The following PRKAG2 variants were observed in gnomAD, a reference collection of about 807,000 sequenced individuals.
PRKAG2 encodes protein kinase AMP-activated non-catalytic subunit gamma 2.
Under a neutral mutation model 69.6 loss-of-function variants are expected in PRKAG2, and 26 were observed. The ratio of observed to expected loss-of-function variants is 0.37; its 90% CI spans 0.27 to 0.52. The LOEUF is 0.52. Ranked by LOEUF, PRKAG2 falls within the 20% of genes least tolerant of loss-of-function variation. PRKAG2 has a pLI of 0.90. For synonymous variants in PRKAG2, 293 were observed against 285.0 expected, an observed-to-expected ratio of 1.03 and a Z score of -0.28; for missense variants, 557 against 740.0, an observed-to-expected ratio of 0.75 and a Z score of 2.87.
chr7:151,874,898 A>T (rs939323906), intron 1 of PRKAG2, among the ~76,000 whole-genome samples: 1 of 152,188 alleles, frequency 6.6e-6, no homozygotes, highest in African/African-American at 2.4e-5. Flanking sequence ...CAAAACAAAA[A>T]AAACAATAAA....
chr7:151,732,089 A>G (rs1563547152), intron 3 of PRKAG2, among the ~76,000 whole-genome samples: 1 of 148,152 alleles, frequency 6.7e-6, no homozygotes, highest in Non-Finnish European at 1.5e-5. Flanking sequence ...ACCTGCCTCA[A>G]CCTACCAAAG....
rs953660997 is a variant in PRKAG2 at position 151,575,800 on chromosome 7, G to C, written c.946+571C>G. On this transcript the variant is annotated intron_variant, in intron 7 of 15. Coordinates refer to ENST00000287878, the MANE Select transcript of PRKAG2 (RefSeq NM_016203.4). ...GGTAAAGACACATAAGCTCTTCAGA[G>C]AGCCAAAAAGTTGCTAAATTAAAAG... Among the ~76,000 whole-genome samples, 6 of 146,188 alleles carry C rather than the reference G, an allele frequency of 4.1e-5. No homozygotes were observed. In the South Asian group the frequency reaches 6.5e-4, roughly 16 times the overall value.
intron 11 of PRKAG2, 123 bp from the exon 12 acceptor site, chr7:151,566,008 C>A: frequency 9.4e-7 from 1 of 1,069,260 alleles, no homozygotes; most frequent in South Asian, 1.3e-5. Context: ...AACAGTCTAC[C>A]TGGATGCCTG....
At chr7:151,587,115 T>A (rs1239067173) in intron 6 of PRKAG2, among the ~76,000 whole-genome samples, 1 of 152,134 alleles carries the variant, frequency 6.6e-6, no homozygotes, top group African/African-American at 2.4e-5. Flanking sequence ...AACTCCAGCC[T>A]GGGCGACAGA....
intron 1 of PRKAG2, among the ~76,000 whole-genome samples, chr7:151,845,513 C>T (rs1332906261): frequency 6.6e-6 from 1 of 152,128 alleles, no homozygotes; most frequent in Non-Finnish European, 1.5e-5. Flanking sequence ...AGTTTGAGAA[C>T]CACCAGCCTA....
intron 5 of PRKAG2, among the ~76,000 whole-genome samples, chr7:151,613,999 C>T (rs1192159914): frequency 6.6e-6 from 1 of 152,148 alleles, no homozygotes; most frequent in African/African-American, 2.4e-5. Context: ...GACAGGCTTT[C>T]GCTATGTTGG....
intron 3 of PRKAG2, among the ~76,000 whole-genome samples, chr7:151,757,757 A>G (rs948671450): frequency 2.0e-4 from 30 of 152,240 alleles, no homozygotes; most frequent in African/African-American, 7.2e-4. Context: ...TCCAAACTGC[A>G]ACCACTGCCC....
At chr7:151,856,623 T>C (rs13245627) in intron 1 of PRKAG2, among the ~76,000 whole-genome samples, 21,540 of 152,230 alleles carry the variant, frequency 0.14, 2,478 homozygotes, top group African/African-American at 0.31. Flanking sequence ...GCAGAGTTGC[T>C]GATGAGTTAA....
rs552750904 is a variant in PRKAG2 at position 151,826,099 on chromosome 7, C to T, written c.115-39558G>A. ...CCCAGTTGGTATGCAAAGCTGTGCA[C>T]CCACCACCGCCCTGCCCTAAACACC... On this transcript the variant is annotated intron_variant, in intron 1 of 15. Coordinates refer to ENST00000287878, the MANE Select transcript of PRKAG2 (RefSeq NM_016203.4). Among the ~76,000 whole-genome samples the T allele has an allele frequency of 6.4e-4, 97 of 152,248 alleles. No homozygotes were observed. The Middle Eastern group carries it at 0.017, about 27-fold the overall frequency.
intron 1 of PRKAG2, among the ~76,000 whole-genome samples, chr7:151,860,944 G>A (rs1425019155): frequency 6.6e-6 from 1 of 152,140 alleles, no homozygotes; most frequent in Admixed American, 6.5e-5. Flanking sequence ...TCTAGGTAGA[G>A]CTTGCCAGGT....
intron 10 of PRKAG2, among the ~76,000 whole-genome samples, chr7:151,569,057 AGAG>A (rs1257721593): frequency 6.6e-6 from 1 of 152,202 alleles, no homozygotes; most frequent in Non-Finnish European, 1.5e-5. Flanking sequence ...AATCTCTAGA[AGAG>A]GAGATTTTTT....
At chr7:151,572,140 G>A (rs939027659) in intron 9 of PRKAG2, among the ~76,000 whole-genome samples, 1 of 152,212 alleles carries the variant, frequency 6.6e-6, no homozygotes, top group Non-Finnish European at 1.5e-5. Flanking sequence ...ATGTCAATGT[G>A]ACAATGAAGA....
chr7:151,864,520 G>T (rs1586744906), intron 1 of PRKAG2, among the ~76,000 whole-genome samples: 1 of 152,224 alleles, frequency 6.6e-6, no homozygotes, highest in African/African-American at 2.4e-5. Flanking sequence ...TCCTTCCCCA[G>T]ACCAGGTTGG....
In PRKAG2 at chr7:151,675,513, G is replaced by A. The variant is rs587781126; in HGVS notation, c.591C>T (p.Pro197=). Residue 197 remains proline, a synonymous_variant, in exon 4 of 16, where the codon CCC becomes CCT. Transcript: ENST00000287878. ...LENRIYASSS[P]PDTGQRFCPS... ...GGCAGAACCTCTGCCCTGTGTCCGG[G>A]GGGGAAGACGAGGCATAGATGCGAT... 16 of 1,614,120 alleles carry A rather than the reference G, an allele frequency of 9.9e-6. No individual in the cohort carries two copies. The highest frequency in any genetic ancestry group is 2.2e-5 in the South Asian group (2 of 91,094).
chr7:151,747,553 T>A (rs1391272361), intron 3 of PRKAG2, among the ~76,000 whole-genome samples: 2 of 134,462 alleles, frequency 1.5e-5, no homozygotes, highest in African/African-American at 3.0e-5. Context: ...AGAGACTCCG[T>A]CTCAAAAAAA....
chr7:151,589,986 G>A (rs1274297878), intron 6 of PRKAG2, among the ~76,000 whole-genome samples: 2 of 152,214 alleles, frequency 1.3e-5, no homozygotes, highest in Non-Finnish European at 2.9e-5. Context: ...CTGGTTCCCA[G>A]GAACAGAGGA....
chr7:151,801,627 G>T (rs76923703), intron 1 of PRKAG2, among the ~76,000 whole-genome samples: 4,903 of 152,302 alleles, frequency 0.032, 226 homozygotes, highest in African/African-American at 0.1. Flanking sequence ...CGGCGCTAAT[G>T]AACCTAAACA....
chr7:151,706,523 T>C (rs1432920980), intron 3 of PRKAG2, among the ~76,000 whole-genome samples: 14 of 143,062 alleles, frequency 9.8e-5, no homozygotes, highest in Non-Finnish European at 6.2e-5. Context: ...GACACCGAGA[T>C]CTCCCACCAC....
chr7:151,582,378 C>A (rs1466369964), intron 6 of PRKAG2, among the ~76,000 whole-genome samples: 1 of 152,070 alleles, frequency 6.6e-6, no homozygotes, highest in Admixed American at 6.6e-5. Flanking sequence ...GTTTGAACTC[C>A]TGAACTCAAG....
Sources: allele counts gnomAD v4.1 joint callset (sites outside exome capture counted in the v4.1 genomes callset), GRCh38; gene constraint gnomAD v4.1.1; transcripts MANE v1.5; gene names NCBI Gene and HGNC (gene_info 2026-07-23, HGNC 2026-07-21).